Variants in FERMT2 observed in about 807,000 individuals in gnomAD.
FERMT2 encodes the protein FERM domain containing kindlin 2.
Under a neutral mutation model 82.7 loss-of-function variants are expected in FERMT2, and 15 were observed. The ratio of observed to expected loss-of-function variants is 0.18; its 90% CI spans 0.12 to 0.28. The LOEUF (loss-of-function observed/expected upper bound fraction) is 0.28. Among genes scored for constraint, FERMT2 ranks in the 10% least tolerant of loss-of-function variants. The pLI is 1.00. For synonymous variants in FERMT2, 274 were observed against 271.5 expected (o/e 1.01, Z -0.09); for missense variants, 645 against 809.4 (o/e 0.80, Z 2.46).
chr14:52,932,044 A>C (rs1889607032), intron 2 of FERMT2, among the ~76,000 whole-genome samples: 1 of 152,228 alleles, frequency 6.6e-6, no homozygotes, highest in African/African-American at 2.4e-5. Context: ...AGAAAAAGAA[A>C]AAAATGTTAA....
At chr14:52,931,447 C>G (rs1304274152) in intron 2 of FERMT2, among the ~76,000 whole-genome samples, 1 of 152,092 alleles carries the variant, frequency 6.6e-6, no homozygotes, top group East Asian at 1.9e-4. Context: ...GATTATGAAG[C>G]ACAAATTAGA....
At chr14:52,897,987 A>AAAC (rs1555369667) in intron 3 of FERMT2, among the ~76,000 whole-genome samples, 1 of 149,748 alleles carries the variant, frequency 6.7e-6, no homozygotes, top group African/African-American at 2.5e-5. Context: ...AAAAAAAAAA[A>AAAC]AAAAAAACAA....
intron 2 of FERMT2, among the ~76,000 whole-genome samples, chr14:52,935,138 T>G (rs1214658161): frequency 6.6e-6 from 1 of 152,200 alleles, no homozygotes; most frequent in Non-Finnish European, 1.5e-5. Context: ...TAAGTAAACG[T>G]GCAAATTGCA....
chr14:52,906,039 A>G (rs1449029083), intron 3 of FERMT2, among the ~76,000 whole-genome samples: 1 of 152,206 alleles, frequency 6.6e-6, no homozygotes, highest in African/African-American at 2.4e-5. Context: ...AGGCAACAAG[A>G]TGCACGAAAT....
At chr14:52,919,434 T>C (rs541680640) in intron 2 of FERMT2, 78 bp from the exon 3 acceptor site, 1 of 990,532 alleles carries the variant, frequency 1.0e-6, no homozygotes, top group Non-Finnish European at 1.5e-6. Context: ...GAAAACTAGA[T>C]AATTGGGTAT....
At chr14:52,876,249 T>A (rs1274114676) in intron 7 of FERMT2, among the ~76,000 whole-genome samples, 1 of 152,256 alleles carries the variant, frequency 6.6e-6, no homozygotes, top group African/African-American at 2.4e-5. Context: ...GATTGATTGG[T>A]AATGAATAGT....
intron 2 of FERMT2, among the ~76,000 whole-genome samples, chr14:52,925,212 T>C (rs1889185821): frequency 6.6e-6 from 1 of 152,148 alleles, no homozygotes; most frequent in Admixed American, 6.5e-5. Flanking sequence ...GTACACCAAC[T>C]GAGAAGCATT....
intron 4 of FERMT2, among the ~76,000 whole-genome samples, chr14:52,891,419 T>C (rs555472337): frequency 3.3e-5 from 5 of 152,334 alleles, no homozygotes; most frequent in South Asian, 2.1e-4. Context: ...AGAGTAAGGA[T>C]TGTCTTACTT....
At chr14:52,933,595 A>G (rs2139679616) in intron 2 of FERMT2, among the ~76,000 whole-genome samples, 1 of 151,510 alleles carries the variant, frequency 6.6e-6, no homozygotes, top group Non-Finnish European at 1.5e-5. Context: ...CTGTAATCCC[A>G]GCTACTTGGG....
intron 4 of FERMT2, among the ~76,000 whole-genome samples, chr14:52,892,159 G>GGTT (rs1555368978): frequency 7.6e-5 from 6 of 78,822 alleles, no homozygotes; most frequent in African/African-American, 2.3e-4. Context: ...AGAGAAGGCT[G>GGTT]TTTTTTGTTT....
chr14:52,895,640 G>A (rs966242505), intron 3 of FERMT2, among the ~76,000 whole-genome samples: 11 of 152,190 alleles, frequency 7.2e-5, no homozygotes, highest in African/African-American at 2.7e-4. Context: ...CATAGTGACA[G>A]AAAGCAGATC....
intron 3 of FERMT2, among the ~76,000 whole-genome samples, chr14:52,905,602 C>T (rs1471225186): frequency 1.3e-5 from 2 of 152,006 alleles, no homozygotes; most frequent in South Asian, 2.1e-4. Flanking sequence ...GACATATCCT[C>T]GAGACAAAAT....
intron 2 of FERMT2, among the ~76,000 whole-genome samples, chr14:52,930,743 T>C (rs1889529697): frequency 6.6e-6 from 1 of 152,222 alleles, no homozygotes; most frequent in African/African-American, 2.4e-5. Flanking sequence ...CTTGCTTTCC[T>C]TTCCAATGCC....
intron 2 of FERMT2, among the ~76,000 whole-genome samples, chr14:52,929,670 C>T (rs917019689): frequency 2.0e-5 from 3 of 152,190 alleles, no homozygotes; most frequent in Non-Finnish European, 2.9e-5. Context: ...TCTCTCTCAT[C>T]TTTCAGGTTT....
chr14:52,859,959 A>G, intron 13 of FERMT2: 1 of 285,222 alleles, frequency 3.5e-6, no homozygotes. Flanking sequence ...CTGGGACTAC[A>G]GGCGCCCACC....
At chr14:52,945,373 G>A (rs892864696) in intron 2 of FERMT2, among the ~76,000 whole-genome samples, 2 of 151,462 alleles carry the variant, frequency 1.3e-5, no homozygotes, top group Non-Finnish European at 2.9e-5. Context: ...GGCTCAGCCT[G>A]AGTAGCTGGG....
chr14:52,886,270 G>C (rs536539082), intron 4 of FERMT2, among the ~76,000 whole-genome samples: 2 of 142,322 alleles, frequency 1.4e-5, no homozygotes, highest in South Asian at 2.4e-4. Context: ...GAAACTCTTG[G>C]GGGGGAGAGA....
intron 12 of FERMT2, chr14:52,861,063 A>G: frequency 6.7e-7 from 1 of 1,499,568 alleles, no homozygotes; most frequent in Non-Finnish European, 8.9e-7. Context: ...GGAAAGAAAA[A>G]GGAAGCAGAA....
intron 2 of FERMT2, among the ~76,000 whole-genome samples, chr14:52,931,559 A>C (rs968319067): frequency 6.6e-6 from 1 of 152,184 alleles, no homozygotes. Context: ...CTAAGCTAGA[A>C]TCATGGGTCT....
Sources: allele counts gnomAD v4.1 joint callset (sites outside exome capture counted in the v4.1 genomes callset), GRCh38; gene constraint gnomAD v4.1.1; transcripts MANE v1.5; gene names NCBI Gene and HGNC (gene_info 2026-07-23, HGNC 2026-07-21).